Variants in CRTAC1 observed in about 807,000 individuals in gnomAD.
The protein encoded by CRTAC1 is acidic secreted protein in cartilage.
Under a neutral mutation model 67.8 loss-of-function variants are expected in CRTAC1, and 37 were observed. The observed-to-expected ratio is 0.55, with a 90% CI of 0.42 to 0.72. CRTAC1 has a LOEUF of 0.72. CRTAC1 is among the 30% of genes least tolerant of loss of function. The pLI is 0.00. For synonymous variants in CRTAC1, 348 were observed against 371.0 expected, an observed-to-expected ratio of 0.94 and a Z score of 0.71; for missense variants, 780 against 931.6, an observed-to-expected ratio of 0.84 and a Z score of 2.12.
intron 5 of CRTAC1, among the ~76,000 whole-genome samples, chr10:97,909,981 C>T (rs1186392884): frequency 6.6e-6 from 1 of 150,886 alleles, no homozygotes; most frequent in Non-Finnish European, 1.5e-5. Context: ...CATGATCTCA[C>T]TTATATGTGG....
At chr10:97,970,267 G>A (rs1199526499) in intron 2 of CRTAC1, among the ~76,000 whole-genome samples, 4 of 152,096 alleles carry the variant, frequency 2.6e-5, no homozygotes, top group Non-Finnish European at 5.9e-5. Flanking sequence ...TTGGATTACT[G>A]CAAGAACTTC....
At chr10:97,866,065 C>A in intron 14 of CRTAC1, 1 of 262,736 alleles carries the variant, frequency 3.8e-6, no homozygotes, top group Non-Finnish European at 7.3e-6. Context: ...AGGCCTGCCA[C>A]ATAGAGGACT....
At chr10:97,887,894 G>A (rs2050310469) in intron 11 of CRTAC1, among the ~76,000 whole-genome samples, 1 of 152,264 alleles carries the variant, frequency 6.6e-6, no homozygotes, top group Non-Finnish European at 1.5e-5. Context: ...GGTAACAACA[G>A]TGAACACTGA....
chr10:97,880,462 C>G (rs538007285), intron 13 of CRTAC1, 70 bp from the exon 14 acceptor site: 261 of 1,574,072 alleles, frequency 1.7e-4, no homozygotes, highest in Non-Finnish European at 2.0e-4. Context: ...CTCTGCCTGC[C>G]TATACACTGT....
intron 13 of CRTAC1, among the ~76,000 whole-genome samples, chr10:97,882,446 C>T (rs973231611): frequency 6.6e-6 from 1 of 152,258 alleles, no homozygotes; most frequent in Non-Finnish European, 1.5e-5. Context: ...TTGCTTGCTG[C>T]TCCACATGGA....
At chr10:97,970,339 C>T (rs2051687219) in intron 2 of CRTAC1, among the ~76,000 whole-genome samples, 1 of 152,204 alleles carries the variant, frequency 6.6e-6, no homozygotes, top group Non-Finnish European at 1.5e-5. Flanking sequence ...AAAATCAGAG[C>T]ATCCTTTTAA....
chr10:97,926,340 A>C (rs1289636810), intron 3 of CRTAC1, among the ~76,000 whole-genome samples: 1 of 152,190 alleles, frequency 6.6e-6, no homozygotes, highest in Admixed American at 6.5e-5. Flanking sequence ...TTCCTCATCT[A>C]AAAGTTGTGG....
chr10:98,011,683 A>G (rs1172581384), intron 1 of CRTAC1, among the ~76,000 whole-genome samples: 2 of 152,196 alleles, frequency 1.3e-5, no homozygotes, highest in Non-Finnish European at 1.5e-5. Flanking sequence ...CCACTTGGGC[A>G]AGGATCTCTG....
In CRTAC1 at chr10:97,897,055, C is replaced by G. The variant is rs572953960; in HGVS notation, c.1134-64G>C. On this transcript the variant is annotated intron_variant, in intron 8 of 14. Transcript: ENST00000370597. ...AGAGGCCGCTGGACCAGAAGGCCCA[C>G]CTGCTCCATTCTGTCCCCTGAGCAT... The G allele has an allele frequency of 2.3e-4, 280 of 1,232,208 alleles. 1 individual carries two copies. The South Asian group carries it at 2.6e-3, about 12-fold the overall frequency. 76.3% of individuals were successfully genotyped at this position (1,232,208 alleles called of 1,614,324 possible).
At chr10:97,880,470 T>G in intron 13 of CRTAC1, 78 bp from the exon 14 acceptor site, 2 of 1,551,526 alleles carry the variant, frequency 1.3e-6, no homozygotes, top group Non-Finnish European at 1.8e-6. Context: ...GCCTATACAC[T>G]GTCTGGCTTT....
At chr10:97,904,909 G>A (rs964223044) in intron 6 of CRTAC1, 95 bp from the exon 7 acceptor site, 17 of 1,381,540 alleles carry the variant, frequency 1.2e-5, no homozygotes, top group Middle Eastern at 2.1e-4. Context: ...AACTAGGGAG[G>A]GTGACTCTCA....
At chr10:97,943,499 T>G (rs2051210794) in intron 2 of CRTAC1, among the ~76,000 whole-genome samples, 1 of 152,240 alleles carries the variant, frequency 6.6e-6, no homozygotes, top group Non-Finnish European at 1.5e-5. Flanking sequence ...CTCTAAACGT[T>G]TTTAAAAATG....
rs773776979 is a variant in CRTAC1 at position 97,882,841 on chromosome 10, C to A, written c.1633-13G>T. 1.2e-6 allele frequency: 2 copies of A among 1,614,146 alleles called. No homozygotes were observed. The highest frequency in any genetic ancestry group is 2.2e-5 in the South Asian group (2 of 91,058). On this transcript the variant is annotated splice_polypyrimidine_tract_variant and intron_variant, in intron 12 of 14. Transcript: ENST00000370597. ...ATCCTTGGCCACACTGTAAGGTGGG[C>A]AGAAGCAGAGACATGAGTGAGTTGA... is the stretch of plus-strand genomic sequence containing the variant.
chr10:97,991,099 C>CAAAAAAAAAAAA lies in CRTAC1; in HGVS notation c.224+20027_224+20038dup, dbSNP rs757267901. 1.3e-3 allele frequency among the ~76,000 whole-genome samples: 23 copies of CAAAAAAAAAAAA among 17,974 alleles called. 2 individuals are homozygous for CAAAAAAAAAAAA. The highest frequency in any genetic ancestry group is 2.6e-3 in the Non-Finnish European group (22 of 8,340). The allele number at this position is 17,974 out of a possible 152,430, so 11.8% of individuals were successfully genotyped here. ...GGCAACATACGAGAAACCATCTCTA[C>CAAAAAAAAAAAA]AAAAAAAAAAAAAAAAAAAAAAAAA... On this transcript the variant is annotated intron_variant, in intron 2 of 14. Transcript: ENST00000370597.
At chr10:98,012,043 G>A (rs1324793791) in intron 1 of CRTAC1, among the ~76,000 whole-genome samples, 2 of 152,148 alleles carry the variant, frequency 1.3e-5, no homozygotes, top group African/African-American at 2.4e-5. Context: ...CCCTCCCTAG[G>A]GCAGCTGGCC....
At chr10:97,978,494 G>A (rs1334619580) in intron 2 of CRTAC1, among the ~76,000 whole-genome samples, 1 of 152,164 alleles carries the variant, frequency 6.6e-6, no homozygotes, top group African/African-American at 2.4e-5. Flanking sequence ...AACGCAAGTG[G>A]CTGCTGTGCA....
chr10:97,865,825 G>T, intron 14 of CRTAC1, 111 bp from the exon 15 acceptor site: 1 of 1,218,024 alleles, frequency 8.2e-7, no homozygotes, highest in Non-Finnish European at 1.1e-6. Flanking sequence ...GCCCGGGGTG[G>T]GAGGGAGGGT....
At chr10:98,014,700 A>G (rs1462408286) in intron 1 of CRTAC1, among the ~76,000 whole-genome samples, 1 of 152,240 alleles carries the variant, frequency 6.6e-6, no homozygotes, top group African/African-American at 2.4e-5. Flanking sequence ...TAAGTACATG[A>G]AACATCACTA....
chr10:97,994,144 A>G (rs555791743), intron 2 of CRTAC1, among the ~76,000 whole-genome samples: 1 of 152,352 alleles, frequency 6.6e-6, no homozygotes, highest in South Asian at 2.1e-4. Flanking sequence ...GGCATGAGCC[A>G]CCGCGCCTGG....
Sources: allele counts gnomAD v4.1 joint callset (sites outside exome capture counted in the v4.1 genomes callset), GRCh38; gene constraint gnomAD v4.1.1; transcripts MANE v1.5; gene names NCBI Gene and HGNC (gene_info 2026-07-23, HGNC 2026-07-21).